The following CAMK1D variants were observed in gnomAD, a reference collection of about 807,000 sequenced individuals.
The protein encoded by CAMK1D is calcium/calmodulin dependent protein kinase ID.
A neutral mutation model predicts 47.7 loss-of-function variants in CAMK1D; 9 were observed. That is an observed-to-expected ratio of 0.19 (90% CI 0.11 to 0.33). The LOEUF is 0.33. CAMK1D is among the 10% of genes least tolerant of loss of function. The pLI is 1.00. For missense variants in CAMK1D, 291 were observed against 488.7 expected, an observed-to-expected ratio of 0.60 and a Z score of 3.81; for synonymous variants, 184 against 184.9, an observed-to-expected ratio of 0.99 and a Z score of 0.04.
intron 3 of CAMK1D, among the ~76,000 whole-genome samples, chr10:12,713,159 C>T (rs1194749856): frequency 6.6e-6 from 1 of 152,086 alleles, no homozygotes; most frequent in African/African-American, 2.4e-5. Context: ...CAACCTCTGC[C>T]TTCCAGGTTC....
chr10:12,371,791 T>C (rs1032716715), intron 1 of CAMK1D, among the ~76,000 whole-genome samples: 4 of 151,986 alleles, frequency 2.6e-5, no homozygotes, highest in East Asian at 1.9e-4. Context: ...CTCAGCCTCC[T>C]GAGTAGCTGG....
intron 3 of CAMK1D, among the ~76,000 whole-genome samples, chr10:12,671,280 G>A (rs957753241): frequency 6.6e-6 from 1 of 151,380 alleles, no homozygotes; most frequent in Admixed American, 6.6e-5. Flanking sequence ...AGCTTCTTTT[G>A]TGGACTTGCT....
chr10:12,763,755 C>T (rs1403949425), intron 4 of CAMK1D, among the ~76,000 whole-genome samples: 8 of 152,136 alleles, frequency 5.3e-5, no homozygotes, highest in African/African-American at 2.4e-5. Context: ...GTGTTGATTC[C>T]GATCTTATTA....
intron 2 of CAMK1D, among the ~76,000 whole-genome samples, chr10:12,639,011 C>T (rs1839592603): frequency 6.6e-6 from 1 of 152,224 alleles, no homozygotes; most frequent in Admixed American, 6.5e-5. Context: ...AACCTCATTC[C>T]TCTGGTTCCT....
chr10:12,828,697 C>A, intron 10 of CAMK1D, 72 bp from the exon 11 acceptor site: 2 of 1,202,650 alleles, frequency 1.7e-6, no homozygotes, highest in Non-Finnish European at 2.4e-6. Context: ...GCCCCTCTGA[C>A]ACCTGGCAGT....
At position 12,362,553 on chromosome 10, in the gene CAMK1D, A is replaced by G. The variant is rs570959906; in HGVS notation, c.92+12643A>G. On this transcript the variant is annotated intron_variant, in intron 1 of 10. Coordinates refer to ENST00000619168, the MANE Select transcript of CAMK1D (RefSeq NM_153498.4). ...CGCCCCGTCCCCCAGGCTGGAGTGC[A>G]GTGGCGCCATCTCAGCTCACTGCAA... Among the ~76,000 whole-genome samples, 5 of 152,260 alleles carry G rather than the reference A, an allele frequency of 3.3e-5. No individual in the cohort carries two copies. In the South Asian group the frequency reaches 1.0e-3, roughly 32 times the overall value.
rs759296135 is a variant in CAMK1D, at chr10:12,791,160, C to T, written c.568C>T (p.Pro190Ser). The change falls in exon 6 of 11, where the codon CCT (proline) becomes TCT (serine). Residue 190 changes from proline to serine, a missense_variant and splice_region_variant. Coordinates refer to ENST00000619168, the MANE Select transcript of CAMK1D (RefSeq NM_153498.4). ...GTCTTTTCTTTGTCTTTCTGCAGCT[C>T]CTGAAGTCCTCGCCCAGAAACCTTA... ...TACGTPGYVA[P>S]EVLAQKPYSK... 1 of 1,614,102 alleles carries T rather than the reference C, an allele frequency of 6.2e-7. No homozygotes were observed.
chr10:12,387,427 T>A (rs1321459353), intron 1 of CAMK1D, among the ~76,000 whole-genome samples: 14 of 62,590 alleles, frequency 2.2e-4, no homozygotes, highest in African/African-American at 5.9e-4. Flanking sequence ...TTTATATATT[T>A]TATATATTAT....
chr10:12,449,465 C>T (rs1833017770), intron 1 of CAMK1D, among the ~76,000 whole-genome samples: 1 of 151,714 alleles, frequency 6.6e-6, no homozygotes, highest in African/African-American at 2.4e-5. Flanking sequence ...AAGATATTTG[C>T]TAAGAGAGTA....
In CAMK1D at chr10:12,725,834, G is replaced by A. The variant is rs577167403; in HGVS notation, c.300-35114G>A. On this transcript the variant is annotated intron_variant, in intron 3 of 10. Transcript: ENST00000619168. ...TGCAGTGGCATGATCTCGGCTCACA[G>A]CAACCTCCACCTCCCAGGCTCAAGC... Among the ~76,000 whole-genome samples the A allele has an allele frequency of 2.6e-5, 4 of 152,200 alleles. No homozygotes were observed. The South Asian group carries it at 6.2e-4, about 24-fold the overall frequency.
At chr10:12,690,455 C>T (rs886726328) in intron 3 of CAMK1D, among the ~76,000 whole-genome samples, 7 of 152,058 alleles carry the variant, frequency 4.6e-5, no homozygotes, top group African/African-American at 1.2e-4. Context: ...GTCTTATGTA[C>T]GTATTTAGTA....
intron 3 of CAMK1D, among the ~76,000 whole-genome samples, chr10:12,688,956 T>TAGGCGTGAGCCTA (rs1456616385): frequency 6.6e-6 from 1 of 152,246 alleles, no homozygotes; most frequent in Non-Finnish European, 1.5e-5. Flanking sequence ...GTGCCGGGAT[T>TAGGCGTGAGCCTA]ATAGGCGTGA....
At chr10:12,404,539 C>T (rs1283007720) in intron 1 of CAMK1D, among the ~76,000 whole-genome samples, 1 of 152,022 alleles carries the variant, frequency 6.6e-6, no homozygotes, top group East Asian at 1.9e-4. Context: ...GGAGAGAAAG[C>T]TGTTTGTTAC....
chr10:12,824,632 C>A, intron 9 of CAMK1D, 80 bp downstream of exon 9: 1 of 1,116,484 alleles, frequency 9.0e-7, no homozygotes, highest in Non-Finnish European at 1.3e-6. Flanking sequence ...TTTCTGAAAT[C>A]CCCAGAACCT....
At chr10:12,793,206 A>G (rs1446978320) in intron 6 of CAMK1D, among the ~76,000 whole-genome samples, 9 of 152,304 alleles carry the variant, frequency 5.9e-5, no homozygotes, top group African/African-American at 2.2e-4. Context: ...GGTATCAGTC[A>G]TCTAGAGAAA....
At position 12,835,258 on chromosome 10, in the gene CAMK1D, G is replaced by A. The variant is rs559407117; in HGVS notation, c.*6371G>A. On this transcript the variant is annotated 3_prime_UTR_variant, in exon 11 of 11. Coordinates refer to ENST00000619168, the MANE Select transcript of CAMK1D (RefSeq NM_153498.4). ...CCAAAAAATTACAACATCAAAACCAGGAATGTCCCCGCATCTACTATTACC... is the reference window on the plus strand; with the variant it reads ...CCAAAAAATTACAACATCAAAACCAAGAATGTCCCCGCATCTACTATTACC... The A allele has an allele frequency of 6.6e-6, 1 of 152,240 alleles. No homozygotes were observed. Among genetic ancestry groups the A allele is most frequent in the East Asian group, 1.9e-4 (1 of 5,174 alleles). The allele number at this position is 152,240 out of a possible 1,614,324, so 9.4% of individuals were successfully genotyped here. A position where few individuals can be genotyped will look rare whatever the true frequency, so the allele number is the denominator to read the frequency against.
At chr10:12,358,328 A>G (rs564743668) in intron 1 of CAMK1D, among the ~76,000 whole-genome samples, 1 of 152,254 alleles carries the variant, frequency 6.6e-6, no homozygotes, top group East Asian at 1.9e-4. Context: ...ACCTGAGGTC[A>G]GGAGTTCAAC....
At chr10:12,726,586 G>A (rs965771685) in intron 3 of CAMK1D, among the ~76,000 whole-genome samples, 1 of 152,182 alleles carries the variant, frequency 6.6e-6, no homozygotes, top group African/African-American at 2.4e-5. Flanking sequence ...ACCAGGACAT[G>A]CCATCGTTGT....
intron 3 of CAMK1D, among the ~76,000 whole-genome samples, chr10:12,692,310 C>A (rs1241381951): frequency 6.6e-6 from 1 of 152,108 alleles, no homozygotes; most frequent in African/African-American, 2.4e-5. Context: ...AATAGATGCT[C>A]CTTCTCAGTT....
Sources: gnomAD v4.1 joint callset for allele counts (sites outside exome capture counted in the v4.1 genomes callset) on GRCh38, gnomAD v4.1.1 for gene constraint, MANE v1.5 for transcripts, NCBI Gene and HGNC (gene_info 2026-07-23, HGNC 2026-07-21) for gene names.